PHACTR3: variants seen among roughly 807,000 people sequenced by gnomAD.
The protein encoded by PHACTR3 is phosphatase and actin regulator 3.
PHACTR3 carries 16 observed loss-of-function variants against 66.8 expected under a neutral mutation model. That is an observed-to-expected ratio of 0.24 (90% CI 0.16 to 0.36). The LOEUF is 0.36. Among genes scored for constraint, PHACTR3 ranks in the 10% least tolerant of loss-of-function variants. The probability of loss-of-function intolerance (pLI) is 1.00; values close to 1 mark genes in which losing one functional copy is unlikely to be tolerated. For synonymous variants in PHACTR3, 323 were observed against 292.1 expected (o/e 1.11, Z -1.08); for missense variants, 647 against 719.9 (o/e 0.90, Z 1.16).
intron 1 of PHACTR3, among the ~76,000 whole-genome samples, chr20:59,703,438 TA>T (rs2037581081): frequency 6.6e-6 from 1 of 152,206 alleles, no homozygotes. Flanking sequence ...CATCTTCAGA[TA>T]ATGCACAACC....
chr20:59,602,454 A>C (rs75052137), upstream of PHACTR3, among the ~76,000 whole-genome samples: 1 of 151,434 alleles, frequency 6.6e-6, no homozygotes, highest in African/African-American at 2.4e-5. Flanking sequence ...AAAAAAAAAA[A>C]AGAGAGAGAG....
intron 1 of PHACTR3, among the ~76,000 whole-genome samples, chr20:59,607,221 C>G (rs984010059): frequency 4.6e-5 from 7 of 152,252 alleles, no homozygotes; most frequent in African/African-American, 1.7e-4. Flanking sequence ...TCCAAAGGGT[C>G]TGGTACCCAT....
chr20:59,756,099 C>T lies in PHACTR3; in HGVS notation c.541+735C>T, dbSNP rs570248329. Among the ~76,000 whole-genome samples the T allele has an allele frequency of 2.2e-4, 33 of 152,122 alleles. No individual in the cohort carries two copies. The South Asian group carries it at 6.3e-3, about 29-fold the overall frequency. ...TTTATTTTAATTGAATAGACCAGGG[C>T]GCTTCCCAAGGATAGGGGAGAAGGG... On this transcript the variant is annotated intron_variant, in intron 4 of 12. Coordinates refer to ENST00000371015, the MANE Select transcript of PHACTR3 (RefSeq NM_080672.5).
At chr20:59,744,989 T>G (rs1468670141) in intron 2 of PHACTR3, among the ~76,000 whole-genome samples, 1 of 152,166 alleles carries the variant, frequency 6.6e-6, no homozygotes, top group Non-Finnish European at 1.5e-5. Context: ...CAGGGCCCCT[T>G]GCACACACAC....
chr20:59,687,345 T>C (rs1004695441), intron 1 of PHACTR3, among the ~76,000 whole-genome samples: 1 of 152,038 alleles, frequency 6.6e-6, no homozygotes, highest in Non-Finnish European at 1.5e-5. Context: ...GAGGGTGATG[T>C]TGTTACCTTG....
chr20:59,830,237 G>C lies in PHACTR3; in HGVS notation c.1329-6268G>C, dbSNP rs1280181481. Among the ~76,000 whole-genome samples the C allele has an allele frequency of 2.5e-4, 37 of 149,400 alleles. No individual in the cohort carries two copies. The highest frequency in any genetic ancestry group is 9.3e-4 in the African/African-American group (36 of 38,882). ...TAGAAGAGGGCGTGAGTGTCTGATG[G>C]AAGAGGGTATGAGTGTCTGATAGAA... On this transcript the variant is annotated intron_variant, in intron 8 of 12. Transcript: ENST00000371015. This position sits in a 1 kb window ranked among gnomAD's most constrained non-coding sequence, Gnocchi z 5.8.
chr20:59,742,933 A>C (rs1392718514), intron 1 of PHACTR3, among the ~76,000 whole-genome samples, 174 bp from the exon 2 acceptor site: 1 of 152,176 alleles, frequency 6.6e-6, no homozygotes, highest in Non-Finnish European at 1.5e-5. Flanking sequence ...AATTCAGCGC[A>C]CGCTGCTGAG....
chr20:59,661,201 G>T (rs1368892292), intron 1 of PHACTR3, among the ~76,000 whole-genome samples: 3 of 152,224 alleles, frequency 2.0e-5, no homozygotes, highest in African/African-American at 7.2e-5. Context: ...AATTAAGGAA[G>T]TTTGAGTAAG....
intron 1 of PHACTR3, among the ~76,000 whole-genome samples, chr20:59,598,136 C>T (rs1250162822): frequency 6.6e-6 from 1 of 152,206 alleles, no homozygotes; most frequent in Non-Finnish European, 1.5e-5. Flanking sequence ...TCTGCCTTCC[C>T]TGTCGAAAGC....
chr20:59,623,628 G>A (rs748390187), intron 1 of PHACTR3, among the ~76,000 whole-genome samples: 1 of 152,206 alleles, frequency 6.6e-6, no homozygotes, highest in Non-Finnish European at 1.5e-5. Flanking sequence ...AACTGCATCT[G>A]TGGGATGTAG....
intron 1 of PHACTR3, among the ~76,000 whole-genome samples, chr20:59,720,513 C>T (rs561141979): frequency 3.3e-5 from 5 of 152,290 alleles, no homozygotes; most frequent in Admixed American, 6.5e-5. Flanking sequence ...CTAAGCGCAA[C>T]GCTGTGCTTG....
At chr20:59,810,979 C>A (rs2041721034) in intron 8 of PHACTR3, among the ~76,000 whole-genome samples, 1 of 152,226 alleles carries the variant, frequency 6.6e-6, no homozygotes, top group African/African-American at 2.4e-5. Context: ...GCACCTGCTG[C>A]CGGCTTTCAG....
intron 1 of PHACTR3, among the ~76,000 whole-genome samples, chr20:59,599,152 C>T (rs967322383): frequency 2.0e-5 from 3 of 152,236 alleles, no homozygotes; most frequent in African/African-American, 7.2e-5. Flanking sequence ...CCAGCTTGGC[C>T]GTGGGGAGGC....
intron 1 of PHACTR3, among the ~76,000 whole-genome samples, chr20:59,711,951 G>T (rs751076427): frequency 6.6e-6 from 1 of 151,898 alleles, no homozygotes. Flanking sequence ...TGTGCTTCTT[G>T]TTCATTTTAA....
intron 3 of PHACTR3, among the ~76,000 whole-genome samples, chr20:59,753,073 C>G (rs959503306): frequency 4.6e-5 from 7 of 151,906 alleles, no homozygotes; most frequent in African/African-American, 1.7e-4. Context: ...AGCCAAGGGT[C>G]AAATGTGGCT....
At chr20:59,626,084 A>G (rs189639222) in intron 1 of PHACTR3, among the ~76,000 whole-genome samples, 5 of 152,192 alleles carry the variant, frequency 3.3e-5, no homozygotes, top group South Asian at 2.1e-4. Flanking sequence ...ATTATTTGCA[A>G]TCCTCTGCAG....
chr20:59,742,725 G>A lies in PHACTR3; in HGVS notation c.119-382G>A, dbSNP rs1207488596. On this transcript the variant is annotated intron_variant, in intron 1 of 12. Transcript: ENST00000371015. ...GGACAAAGTCCTATTCAATGGAGGA[G>A]CTGAAGTTTATGAGGCAGAGAAGCG... is the stretch of plus-strand genomic sequence containing the variant. 7.9e-5 allele frequency among the ~76,000 whole-genome samples: 12 copies of A among 152,326 alleles called. No individual in the cohort carries two copies. The East Asian group carries it at 9.6e-4, about 12-fold the overall frequency.
At chr20:59,671,696 G>A (rs1015878997) in intron 1 of PHACTR3, among the ~76,000 whole-genome samples, 5 of 152,218 alleles carry the variant, frequency 3.3e-5, no homozygotes, top group Non-Finnish European at 7.3e-5. Flanking sequence ...TGTGATATTG[G>A]CTGTCTCCGG....
At chr20:59,818,572 G>T (rs999922786) in intron 8 of PHACTR3, among the ~76,000 whole-genome samples, 1 of 152,146 alleles carries the variant, frequency 6.6e-6, no homozygotes, top group African/African-American at 2.4e-5. Context: ...ACTCCAAAAA[G>T]AAGCCTCTCC....
Sources: allele counts gnomAD v4.1 joint callset (sites outside exome capture counted in the v4.1 genomes callset), GRCh38; gene constraint gnomAD v4.1.1; non-coding constraint Gnocchi (gnomAD v3.1); transcripts MANE v1.5; gene names NCBI Gene and HGNC (gene_info 2026-07-23, HGNC 2026-07-21).